MECR: variants seen among roughly 807,000 people sequenced by gnomAD.
MECR encodes the protein mitochondrial trans-2-enoyl-CoA reductase, also known as enoyl-[acyl-carrier-protein] reductase, mitochondrial.
A neutral mutation model predicts 49.1 loss-of-function variants in MECR; 37 were observed. That is an observed-to-expected ratio of 0.75 (90% CI 0.58 to 0.99). MECR has a LOEUF of 0.99. Among genes scored for constraint, MECR ranks in the 50% least tolerant of loss-of-function variants. MECR has a pLI of 0.00. For missense variants in MECR, 470 were observed against 479.6 expected (o/e 0.98, Z 0.19); for synonymous variants, 198 against 191.1 (o/e 1.04, Z -0.30).
chr1:29,185,717 A>G, the MECR span, among the ~76,000 whole-genome samples: 4 of 152,332 alleles, frequency 2.6e-5, no homozygotes, highest in East Asian at 7.7e-4. Context: ...GCCCGGCCAT[A>G]ATCTTTAATT....
intron 3 of MECR, among the ~76,000 whole-genome samples, chr1:29,210,716 A>G (rs1335766289): frequency 1.3e-5 from 2 of 152,168 alleles, no homozygotes; most frequent in Non-Finnish European, 2.9e-5. Context: ...CTTAGGCTTG[A>G]AGTTGGAGAG....
chr1:29,177,893 ATTTTTTTTT>A, the MECR span, among the ~76,000 whole-genome samples: 13 of 93,636 alleles, frequency 1.4e-4, no homozygotes, highest in East Asian at 5.7e-4. Flanking sequence ...ATTACACAAG[ATTTTTTTTT>A]TTTTTTTTTT....
At chr1:29,180,800 T>C in the MECR span, among the ~76,000 whole-genome samples, 1 of 152,204 alleles carries the variant, frequency 6.6e-6, no homozygotes, top group Non-Finnish European at 1.5e-5. Context: ...GCTGGCACTA[T>C]TTTTGCCGAA....
At chr1:29,203,608 G>C (rs1489344398) in intron 4 of MECR, among the ~76,000 whole-genome samples, 2 of 152,126 alleles carry the variant, frequency 1.3e-5, no homozygotes, top group Non-Finnish European at 1.5e-5. Context: ...CCTTCCTATT[G>C]AAATCCTGTA....
Position 29,225,588 on chromosome 1 carries a change from A to G in MECR, c.176+5143T>C, listed in dbSNP as rs1301220619. On this transcript the variant is annotated intron_variant, in intron 1 of 9. Transcript: ENST00000263702. ...CAACTCTGTACCCTCAGTGCCTTGCACTCAGTAAACTCTCAAAGAATACAT... is the reference window on the plus strand; with the variant it reads ...CAACTCTGTACCCTCAGTGCCTTGCGCTCAGTAAACTCTCAAAGAATACAT... Among the ~76,000 whole-genome samples the G allele has an allele frequency of 2.6e-5, 4 of 152,242 alleles. No homozygotes were observed. The East Asian group carries it at 7.7e-4, about 29-fold the overall frequency.
the MECR span, among the ~76,000 whole-genome samples, chr1:29,183,590 T>C: frequency 6.6e-6 from 1 of 152,208 alleles, no homozygotes; most frequent in Non-Finnish European, 1.5e-5. Flanking sequence ...TTTGCAAATA[T>C]CATATTTTGC....
chr1:29,216,680 T>G lies in MECR; in HGVS notation c.182A>C (p.Lys61Thr). 6.2e-7 allele frequency: 1 copy of G among 1,614,232 alleles called. No homozygotes were observed. The highest frequency in any genetic ancestry group is 8.5e-7 in the Non-Finnish European group (1 of 1,180,036). ...HGDPAKVVEL[K>T]NLELAAVRGS... ...TCTCACAGCAGCTAGCTCCAGGTTC[T>G]TGAGTCTAAGCACAAAGCCAAACGG... Residue 61 changes from lysine (K) to threonine (T), a missense_variant, in exon 2 of 10, where the codon AAG becomes ACG. Transcript: ENST00000263702.
At chr1:29,180,158 T>C in the MECR span, among the ~76,000 whole-genome samples, 1 of 152,250 alleles carries the variant, frequency 6.6e-6, no homozygotes, top group Non-Finnish European at 1.5e-5. Context: ...TAGTAAGTGG[T>C]GGAACCAGGA....
intron 1 of MECR, among the ~76,000 whole-genome samples, chr1:29,228,138 G>A (rs1407459239): frequency 6.6e-6 from 1 of 152,106 alleles, no homozygotes; most frequent in African/African-American, 2.4e-5. Context: ...CTACTCAGGA[G>A]GCTGAGGTGG....
intron 3 of MECR, among the ~76,000 whole-genome samples, chr1:29,213,695 G>T (rs1678607436): frequency 6.6e-6 from 1 of 152,208 alleles, no homozygotes; most frequent in Non-Finnish European, 1.5e-5. Context: ...ATCTATGAGA[G>T]GTATGTATCA....
chr1:29,170,261 G>C, the MECR span: 2 of 147,558 alleles, frequency 1.4e-5, no homozygotes, highest in Non-Finnish European at 2.9e-5. Flanking sequence ...GAAAAAACTC[G>C]AGAGATGAAA....
the MECR span, among the ~76,000 whole-genome samples, chr1:29,179,047 A>G: frequency 1.1e-4 from 16 of 152,152 alleles, no homozygotes; most frequent in Non-Finnish European, 2.2e-4. Context: ...CAGTTCCTTA[A>G]AAAAACCACC....
At chr1:29,214,262 T>C (rs1379867855) in intron 3 of MECR, among the ~76,000 whole-genome samples, 2 of 152,004 alleles carry the variant, frequency 1.3e-5, no homozygotes, top group African/African-American at 2.4e-5. Flanking sequence ...GGTTTTACCA[T>C]GTTGGCCAGG....
chr1:29,203,161 C>T lies in MECR; in HGVS notation c.623G>A (p.Gly208Asp). The change falls in exon 5 of 10, where the codon GGC (glycine) becomes GAC (aspartate). Residue 208 changes from glycine (G) to aspartate (D), a missense_variant. Gly to Asp is a moderately conservative substitution (Grantham distance 94). Transcript: ENST00000263702. ...QAVIQIAAAL[G>D]LRTINVVRDR... ...TCGGACCACATTGATGGTTCTTAGG[C>T]CCAGGGCTGCGGCGATCTGGATGAC... 1 of 1,582,980 alleles carries T rather than the reference C, an allele frequency of 6.3e-7. No homozygotes were observed.
intron 1 of MECR, among the ~76,000 whole-genome samples, chr1:29,227,688 T>C (rs762776157): frequency 9.9e-5 from 15 of 152,200 alleles, no homozygotes; most frequent in Non-Finnish European, 1.3e-4. Flanking sequence ...GTTCAGACTC[T>C]AGGTAGTCCC....
intron 1 of MECR, among the ~76,000 whole-genome samples, chr1:29,227,700 T>G (rs1308493850): frequency 6.6e-6 from 1 of 152,214 alleles, no homozygotes; most frequent in African/African-American, 2.4e-5. Context: ...GGTAGTCCCA[T>G]GACCCCTACC....
chr1:29,193,757 T>G lies in MECR; in HGVS notation c.*265A>C. The G allele has an allele frequency of 2.6e-6, 1 of 384,286 alleles. No individual in the cohort carries two copies. The highest frequency in any genetic ancestry group is 3.8e-5 in the South Asian group (1 of 26,096). 23.8% of individuals were successfully genotyped at this position (384,286 alleles called of 1,614,324 possible). A position where few individuals can be genotyped will look rare whatever the true frequency, so the allele number is the denominator to read the frequency against. On this transcript the variant is annotated 3_prime_UTR_variant, in exon 10 of 10. Coordinates refer to ENST00000263702, the MANE Select transcript of MECR (RefSeq NM_016011.5). ...GACAGAAAAGCAGGAAGGGGGCCTCTTGGTGCTGTGAGCTGACCAGTGCAC... is the reference window on the plus strand; with the variant it reads ...GACAGAAAAGCAGGAAGGGGGCCTCGTGGTGCTGTGAGCTGACCAGTGCAC...
At chr1:29,190,304 G>A (rs1673094780), downstream of MECR, among the ~76,000 whole-genome samples, 1 of 152,096 alleles carries the variant, frequency 6.6e-6, no homozygotes, top group African/African-American at 2.4e-5. Flanking sequence ...GAACCCGGGA[G>A]GCGGAGCTTG....
chr1:29,209,350 G>C (rs1483779822), intron 3 of MECR, among the ~76,000 whole-genome samples: 1 of 152,204 alleles, frequency 6.6e-6, no homozygotes, highest in African/African-American at 2.4e-5. Context: ...CATGACCTCA[G>C]CACTGTGGTA....
Sources: gnomAD v4.1 joint callset for allele counts (sites outside exome capture counted in the v4.1 genomes callset) on GRCh38, gnomAD v4.1.1 for gene constraint, MANE v1.5 for transcripts, NCBI Gene and HGNC (gene_info 2026-07-23, HGNC 2026-07-21) for gene names.